The following PHIP variants were observed in gnomAD, a reference collection of about 807,000 sequenced individuals.
The protein encoded by PHIP is PHIP subunit of CUL4-Ring ligase complex, also known as PH-interacting protein.
In PHIP, 54 loss-of-function variants were observed where a neutral mutation model predicts 236.8. The observed-to-expected ratio is 0.23, with a 90% CI of 0.18 to 0.29. The LOEUF is 0.29. Among genes scored for constraint, PHIP ranks in the 10% least tolerant of loss-of-function variants. PHIP has a pLI of 1.00. For missense variants in PHIP, 1,370 were observed against 2,190.8 expected (o/e 0.63, Z 7.48); for synonymous variants, 756 against 718.9 (o/e 1.05, Z -0.83).
intron 15 of PHIP, among the ~76,000 whole-genome samples, chr6:79,008,747 A>G (rs1163987185): frequency 6.6e-6 from 1 of 152,132 alleles, no homozygotes; most frequent in Non-Finnish European, 1.5e-5. Flanking sequence ...AGCCCCTCTA[A>G]GTAGTCTATC....
chr6:78,955,251 G>A lies in PHIP; in HGVS notation c.3884C>T (p.Thr1295Ile), dbSNP rs1582101281. ...DEEKDADVPG[T>I]STRKRKDHQP... ...TATTACCTTCCTTTTTCGAGTAGAA[G>A]TTCCTGGCACATCAGCATCTTTCTC... is the stretch of plus-strand genomic sequence containing the variant. The change falls in exon 34 of 40, where the codon ACT becomes ATT. Residue 1295 changes from threonine (T) to isoleucine (I), a missense_variant. This residue lies in a region of PHIP where 125 missense variants were observed against 235.1 expected (regional missense o/e 0.53). Transcript: ENST00000275034. 1.2e-6 allele frequency: 2 copies of A among 1,609,408 alleles called. No individual in the cohort carries two copies. Among genetic ancestry groups the A allele is most frequent in the Non-Finnish European group, 1.7e-6 (2 of 1,177,042 alleles).
In PHIP at chr6:78,940,548, G is replaced by GT. The variant is rs36155238; in HGVS notation, c.*144dup. ...AAGAAGTGAAGTGTCTCGTAAGTTT[G>GT]TTTTTTTTTTTTTTTTTTTTTTTGC... On this transcript the variant is annotated 3_prime_UTR_variant, in exon 40 of 40. Coordinates refer to ENST00000275034, the MANE Select transcript of PHIP (RefSeq NM_017934.7). The GT allele has an allele frequency of 0.11, 8,998 of 82,244 alleles. 2,237 individuals are homozygous for GT. Among genetic ancestry groups the GT allele is most frequent in the African/African-American group, 0.15 (2,645 of 17,602 alleles). 5.1% of individuals were successfully genotyped at this position (82,244 alleles called of 1,614,324 possible).
chr6:78,982,288 G>A (rs187130165), intron 23 of PHIP, among the ~76,000 whole-genome samples: 55 of 151,956 alleles, frequency 3.6e-4, no homozygotes, highest in South Asian at 6.2e-4. Flanking sequence ...TATTTCTTAC[G>A]TTCTCTGCTT....
At chr6:79,040,181 G>C (rs1277176511) in intron 7 of PHIP, among the ~76,000 whole-genome samples, 3 of 151,958 alleles carry the variant, frequency 2.0e-5, no homozygotes, top group African/African-American at 4.8e-5. Context: ...TATGTGGTTG[G>C]TACTATTATC....
chr6:78,941,230 A>T lies in PHIP; in HGVS notation c.4929T>A (p.Pro1643=). 2 of 1,613,876 alleles carry T rather than the reference A, an allele frequency of 1.2e-6. No homozygotes were observed. The highest frequency in any genetic ancestry group is 1.7e-6 in the Non-Finnish European group (2 of 1,179,856). ...CACTATTGGTATTAACTTCTACTTT[A>T]GGTTTCCTTCCAGGTCCCCTCTTCA... The part of the protein sequence containing the change: ...KLVKRGPGRK[P]KVEVNTNSGE... Residue 1643 remains proline, a synonymous_variant, in exon 40 of 40, where the codon CCT becomes CCA. Transcript: ENST00000275034.
At chr6:78,987,831 T>C (rs1401179069) in intron 21 of PHIP, among the ~76,000 whole-genome samples, 1 of 152,208 alleles carries the variant, frequency 6.6e-6, no homozygotes, top group Admixed American at 6.5e-5. Flanking sequence ...CTTATTGATT[T>C]GTTGTTATAC....
chr6:78,964,094 G>GT (rs1766971915), intron 29 of PHIP, among the ~76,000 whole-genome samples: 1 of 152,146 alleles, frequency 6.6e-6, no homozygotes, highest in Non-Finnish European at 1.5e-5. Context: ...ACAGTTCAAT[G>GT]TGAGTTCAAA....
chr6:79,029,668 T>G (rs1054098062), intron 7 of PHIP, among the ~76,000 whole-genome samples: 3 of 152,058 alleles, frequency 2.0e-5, no homozygotes, highest in Non-Finnish European at 4.4e-5. Context: ...TAGCTGGGAT[T>G]ACAGATGTGC....
At chr6:79,053,270 C>T (rs1016803905) in intron 6 of PHIP, among the ~76,000 whole-genome samples, 9 of 152,192 alleles carry the variant, frequency 5.9e-5, no homozygotes, top group East Asian at 1.9e-4. Context: ...GCCGACATTG[C>T]GCCACTGCAC....
At chr6:78,994,993 A>T (rs1769517334) in intron 19 of PHIP, among the ~76,000 whole-genome samples, 1 of 152,244 alleles carries the variant, frequency 6.6e-6, no homozygotes, top group African/African-American at 2.4e-5. Flanking sequence ...AAATCATGTG[A>T]GCTGCTTTAC....
chr6:79,042,713 A>G (rs1181115820), intron 7 of PHIP, 130 bp downstream of exon 7: 1 of 604,720 alleles, frequency 1.7e-6, no homozygotes, highest in Non-Finnish European at 2.7e-6. Context: ...TGTTAGAGTA[A>G]GTGAAACCAC....
chr6:78,998,901 T>C (rs1296007488), intron 17 of PHIP, among the ~76,000 whole-genome samples: 1 of 152,212 alleles, frequency 6.6e-6, no homozygotes, highest in East Asian at 1.9e-4. Context: ...TAGTGGTAAA[T>C]AAGGGACATG....
chr6:79,030,649 AGATCT>A (rs1260192332), intron 7 of PHIP, among the ~76,000 whole-genome samples: 2 of 152,184 alleles, frequency 1.3e-5, no homozygotes, highest in African/African-American at 4.8e-5. Context: ...TGTGAGTAAT[AGATCT>A]GAAGCTACAA....
intron 35 of PHIP, among the ~76,000 whole-genome samples, chr6:78,954,273 T>TC (rs1404494376): frequency 6.6e-6 from 1 of 151,374 alleles, no homozygotes; most frequent in Admixed American, 6.6e-5. Context: ...GGCTAATTTT[T>TC]TTTTTTGTAT....
intron 28 of PHIP, 27 bp from the exon 29 acceptor site, chr6:78,965,791 A>G: frequency 7.5e-7 from 1 of 1,333,514 alleles, no homozygotes; most frequent in Non-Finnish European, 1.1e-6. Flanking sequence ...TCATTATATT[A>G]AAAAATCTAA....
chr6:79,042,453 G>A (rs1459011700), intron 7 of PHIP, among the ~76,000 whole-genome samples: 1 of 151,706 alleles, frequency 6.6e-6, no homozygotes, highest in East Asian at 1.9e-4. Context: ...AATATAAAAA[G>A]GTATATTCAA....
intron 19 of PHIP, among the ~76,000 whole-genome samples, chr6:78,994,033 T>C (rs1376695362): frequency 6.6e-6 from 1 of 152,196 alleles, no homozygotes; most frequent in African/African-American, 2.4e-5. Flanking sequence ...AGAAGCTGAT[T>C]CCAACCCTCA....
intron 6 of PHIP, 123 bp downstream of exon 6, chr6:79,060,355 C>T: frequency 1.8e-6 from 1 of 567,338 alleles, no homozygotes; most frequent in Non-Finnish European, 3.0e-6. Flanking sequence ...CTATTTTTTT[C>T]TTTTTGAATG....
intron 4 of PHIP, among the ~76,000 whole-genome samples, chr6:79,073,311 A>G (rs1304934374): frequency 6.6e-6 from 1 of 151,686 alleles, no homozygotes; most frequent in African/African-American, 2.4e-5. Context: ...TCATCATATA[A>G]CCCTTCACGC....
Sources: allele counts gnomAD v4.1 joint callset (sites outside exome capture counted in the v4.1 genomes callset), GRCh38; gene constraint gnomAD v4.1.1; regional missense constraint gnomAD v4.1.1; transcripts MANE v1.5; gene names NCBI Gene and HGNC (gene_info 2026-07-23, HGNC 2026-07-21).